ZSCAN5B: variants seen among roughly 807,000 people sequenced by gnomAD.
ZSCAN5B encodes the protein zinc finger and SCAN domain-containing protein 5B.
Under a neutral mutation model 25.2 loss-of-function variants are expected in ZSCAN5B, and 26 were observed. That is an observed-to-expected ratio of 1.03 (90% confidence interval 0.76 to 1.43). The LOEUF (loss-of-function observed/expected upper bound fraction) is 1.43, where lower values mean the gene tolerates loss of function less well. ZSCAN5B is among the 40% of genes most tolerant of loss of function. The pLI, the probability that ZSCAN5B is intolerant of heterozygous loss-of-function variation, is 0.00. For synonymous variants in ZSCAN5B, 244 were observed against 240.9 expected, an observed-to-expected ratio of 1.01 and a Z score of -0.12; for missense variants, 745 against 622.1, an observed-to-expected ratio of 1.20 and a Z score of -2.10.
intron 1 of ZSCAN5B, 79 bp from the exon 2 acceptor site, chr19:56,193,258 TC>T: frequency 1.7e-6 from 1 of 577,140 alleles, no homozygotes; most frequent in Non-Finnish European, 2.9e-6. Flanking sequence ...CTCATCCCAA[TC>T]CTGGACCCCA....
chr19:56,194,496 A>C (rs951521867), intron 1 of ZSCAN5B, among the ~76,000 whole-genome samples: 1 of 152,142 alleles, frequency 6.6e-6, no homozygotes. Flanking sequence ...GGGTTTCGCC[A>C]TGTTGCCCAG....
At position 56,192,998 on chromosome 19, in the gene ZSCAN5B, C is replaced by G. The variant is rs752967962; in HGVS notation, c.55G>C (p.Gly19Arg). 2 of 1,603,498 alleles carry G rather than the reference C, an allele frequency of 1.2e-6. No individual in the cohort carries two copies. The highest frequency in any genetic ancestry group is 1.7e-6 in the Non-Finnish European group (2 of 1,173,528). The change falls in exon 2 of 5, where the codon GGG (glycine) becomes CGG (arginine). Residue 19 changes from glycine (G) to arginine (R), a missense_variant. Gly to Arg is a moderately radical substitution (Grantham distance 125, BLOSUM62 -2). Coordinates refer to ENST00000586855, the Ensembl canonical transcript of ZSCAN5B. ...GCCACAGACCGTGGAGTGTCTGACC[C>G]AGGGCTGTTGCAGGGTCCTCCCTGA... is the stretch of plus-strand genomic sequence containing the variant.
chr19:56,190,543 G>A lies in ZSCAN5B; in HGVS notation c.772C>T (p.Gln258Ter), dbSNP rs200668027. 6.4e-5 allele frequency: 103 copies of A among 1,613,190 alleles called. No homozygotes were observed. The African/African-American group carries it at 1.1e-3, about 18-fold the overall frequency. The change falls in exon 5 of 5, where the codon CAG (glutamine) becomes TAG (stop). Residue 258 changes from glutamine to a stop codon, truncating the protein, a stop_gained. Transcript: ENST00000586855. LOFTEE classifies it low-confidence loss of function (END_TRUNC). ...ACATTTTCCACAGAGGCTCTTTTCT[G>A]GGGTTCCTTCCCCTCCTTTGCTCTC...
chr19:56,190,459 T>C (rs1247097342), exon 5 of ZSCAN5B: 3 of 1,613,950 alleles, frequency 1.9e-6, no homozygotes, highest in Non-Finnish European at 2.5e-6. Context: ...TCTCCTCTGT[T>C]CCCGCTGTGA....
intron 3 of ZSCAN5B, among the ~76,000 whole-genome samples, chr19:56,191,242 C>A (rs1015165877): frequency 6.6e-6 from 1 of 152,122 alleles, no homozygotes; most frequent in Non-Finnish European, 1.5e-5. Flanking sequence ...GTCTCCCTGC[C>A]CCTGACGCTG....
At chr19:56,190,866 G>A in exon 4 of ZSCAN5B, 21 of 1,614,166 alleles carry the variant, frequency 1.3e-5, no homozygotes, top group Non-Finnish European at 1.7e-5. Flanking sequence ...AGGCTCTGGG[G>A]ATGACAGTCC....
exon 2 of ZSCAN5B, chr19:56,193,036 G>A (rs749510969): frequency 1.3e-6 from 2 of 1,558,858 alleles, no homozygotes; most frequent in East Asian, 2.4e-5. Flanking sequence ...CCATGAGAGT[G>A]TCCAATTTGC....
chr19:56,196,409 GCATGGT>G (rs1356026533), intron 1 of ZSCAN5B, among the ~76,000 whole-genome samples: 1 of 152,102 alleles, frequency 6.6e-6, no homozygotes, highest in Non-Finnish European at 1.5e-5. Context: ...CTACTGCACA[GCATGGT>G]GACTATAGTT....
chr19:56,190,682 C>A, intron 4 of ZSCAN5B, 107 bp from the exon 5 acceptor site: 1 of 1,551,056 alleles, frequency 6.4e-7, no homozygotes, highest in Non-Finnish European at 8.7e-7. Flanking sequence ...TCCCCTCAAC[C>A]TCAAGCCTAA....
chr19:56,190,666 A>G, intron 4 of ZSCAN5B, 91 bp from the exon 5 acceptor site: 1 of 1,557,262 alleles, frequency 6.4e-7, no homozygotes, highest in Middle Eastern at 1.7e-4. Flanking sequence ...ACCTTGGCTG[A>G]GAACTTCCCC....
chr19:56,190,073 G>T, exon 5 of ZSCAN5B: 1 of 1,613,988 alleles, frequency 6.2e-7, no homozygotes, highest in Non-Finnish European at 8.5e-7. Context: ...TTTGGCAGAC[G>T]TCACACATGT....
chr19:56,192,910 C>G, exon 2 of ZSCAN5B: 1 of 1,614,146 alleles, frequency 6.2e-7, no homozygotes, highest in Non-Finnish European at 8.5e-7. Context: ...GCTGAACATC[C>G]TGAAATTCAT....
chr19:56,195,849 TTA>T (rs1376167217), intron 1 of ZSCAN5B, among the ~76,000 whole-genome samples: 2 of 106,812 alleles, frequency 1.9e-5, no homozygotes, highest in Non-Finnish European at 4.6e-5. Context: ...GAATTTTTTT[TTA>T]AAGTTATCTA....
Position 56,191,870 on chromosome 19 carries a change from C to T in ZSCAN5B, c.568G>A (p.Ala190Thr), listed in dbSNP as rs757976812. 5.0e-5 allele frequency: 81 copies of T among 1,613,888 alleles called. No homozygotes were observed. The Middle Eastern group carries it at 1.6e-3, about 33-fold the overall frequency. The change falls in exon 3 of 5, where the codon GCT (alanine) becomes ACT (threonine). Residue 190 changes from alanine (A) to threonine (T), a missense_variant. Coordinates refer to ENST00000586855, the Ensembl canonical transcript of ZSCAN5B. The stretch of plus-strand genomic sequence containing the variant: ...CTCACCTGCCTCCTGGACAGTGCAG[C>T]GACCCTGGGCAGGATCTGCTGCTCT...
intron 1 of ZSCAN5B, among the ~76,000 whole-genome samples, chr19:56,194,903 CA>C (rs1396038037): frequency 1.3e-5 from 2 of 152,102 alleles, no homozygotes; most frequent in African/African-American, 4.8e-5. Context: ...GCGCACAGCC[CA>C]ATTTTTTTTT....
chr19:56,194,289 G>A (rs1055955316), intron 1 of ZSCAN5B, among the ~76,000 whole-genome samples: 3 of 151,970 alleles, frequency 2.0e-5, no homozygotes, highest in African/African-American at 7.3e-5. Flanking sequence ...TCATACCATA[G>A]AGCGGTTTTT....
intron 2 of ZSCAN5B, 149 bp downstream of exon 2, chr19:56,192,520 C>T (rs2122199436): frequency 7.3e-7 from 1 of 1,369,008 alleles, no homozygotes. Context: ...TGGCCTCACA[C>T]AGTGTGTGGG....
chr19:56,189,694 G>A (rs1370004882), exon 5 of ZSCAN5B: 1 of 1,090,850 alleles, frequency 9.2e-7, no homozygotes, highest in Non-Finnish European at 1.3e-6. Context: ...ACTCATGGGG[G>A]AGGATAAATA....
intron 1 of ZSCAN5B, among the ~76,000 whole-genome samples, chr19:56,196,820 A>G (rs935929687): frequency 6.6e-6 from 1 of 152,174 alleles, no homozygotes; most frequent in African/African-American, 2.4e-5. Flanking sequence ...AGATATGAGA[A>G]AAGGCAGCCT....
Sources: gnomAD v4.1 joint callset for allele counts (sites outside exome capture counted in the v4.1 genomes callset) on GRCh38, gnomAD v4.1.1 for gene constraint, MANE v1.5 for transcripts, NCBI Gene and HGNC (gene_info 2026-07-23, HGNC 2026-07-21) for gene names.